FBXO21: variants seen among roughly 807,000 people sequenced by gnomAD.
FBXO21 encodes the protein F-box only protein 21.
FBXO21 carries 32 observed loss-of-function variants against 76.6 expected under a neutral mutation model. The observed-to-expected ratio is 0.42, with a 90% CI of 0.32 to 0.56. The LOEUF (loss-of-function observed/expected upper bound fraction) is 0.56. Among genes scored for constraint, FBXO21 ranks in the 20% least tolerant of loss-of-function variants. The pLI, the probability that FBXO21 is intolerant of heterozygous loss-of-function variation, is 0.16. For missense variants in FBXO21, 586 were observed against 797.3 expected, an observed-to-expected ratio of 0.73 and a Z score of 3.19; for synonymous variants, 328 against 311.5, an observed-to-expected ratio of 1.05 and a Z score of -0.56.
In FBXO21 at chr12:117,174,091, C is replaced by G. The variant is rs542198346; in HGVS notation, c.876+114G>C. ...GTTTGAGGTTGCGGTAAGCTATGAT[C>G]GCGCCACTGCATTCCAGCCTGAGCA... is the stretch of plus-strand genomic sequence containing the variant. On this transcript the variant is annotated intron_variant, in intron 6 of 11. Transcript: ENST00000622495. The G allele has an allele frequency of 7.0e-6, 6 of 854,016 alleles. No individual in the cohort carries two copies. In the Admixed American group the frequency reaches 1.3e-4, roughly 18 times the overall value. The allele number at this position is 854,016 out of a possible 1,614,324, so 52.9% of individuals were successfully genotyped here. A position where few individuals can be genotyped will look rare whatever the true frequency, so the allele number is the denominator to read the frequency against.
intron 11 of FBXO21, among the ~76,000 whole-genome samples, chr12:117,151,348 TGA>T (rs1384892807): frequency 6.6e-6 from 1 of 152,052 alleles, no homozygotes; most frequent in African/African-American, 2.4e-5. Context: ...AGGGTTTAGG[TGA>T]GAGAGTACAC....
At chr12:117,163,584 T>C (rs1956010937) in intron 9 of FBXO21, among the ~76,000 whole-genome samples, 1 of 151,906 alleles carries the variant, frequency 6.6e-6, no homozygotes, top group Non-Finnish European at 1.5e-5. Context: ...CTTGCTTTGC[T>C]CTGCATCTCA....
intron 11 of FBXO21, among the ~76,000 whole-genome samples, chr12:117,152,857 T>C (rs1343252589): frequency 6.6e-6 from 1 of 152,166 alleles, no homozygotes; most frequent in Non-Finnish European, 1.5e-5. Flanking sequence ...ATGGGAATCA[T>C]TTACTGTTGA....
At chr12:117,185,672 G>T (rs1302593570) in intron 3 of FBXO21, among the ~76,000 whole-genome samples, 1 of 152,142 alleles carries the variant, frequency 6.6e-6, no homozygotes. Context: ...TAAAAGAAAG[G>T]CTCACCCAAA....
Position 117,142,324 on chromosome 12 carries a change from T to A in FBXO21, c.*3763A>T, listed in dbSNP as rs1955725461. On this transcript the variant is annotated 3_prime_UTR_variant, in exon 12 of 12. Transcript: ENST00000622495. ...CAGTATGACCTGGGTTTCCCCTTTA[T>A]ACAGTGGAATGCTAAGTGCCTACAC... The A allele has an allele frequency of 6.6e-6, 1 of 152,260 alleles. No homozygotes were observed. The highest frequency in any genetic ancestry group is 1.5e-5 in the Non-Finnish European group (1 of 68,042). 9.4% of individuals were successfully genotyped at this position (152,260 alleles called of 1,614,324 possible).
At chr12:117,162,982 C>A (rs141220584) in intron 9 of FBXO21, among the ~76,000 whole-genome samples, 1 of 152,202 alleles carries the variant, frequency 6.6e-6, no homozygotes, top group Admixed American at 6.5e-5. Flanking sequence ...TTCTTCAGCA[C>A]CCCCTGGCTT....
At chr12:117,181,224 G>GTT (rs1956227276) in intron 3 of FBXO21, among the ~76,000 whole-genome samples, 1 of 151,992 alleles carries the variant, frequency 6.6e-6, no homozygotes, top group Non-Finnish European at 1.5e-5. Flanking sequence ...CTGAATTCTT[G>GTT]TTAAGTTGTT....
At chr12:117,154,720 C>T (rs1331553021) in intron 11 of FBXO21, among the ~76,000 whole-genome samples, 2 of 152,218 alleles carry the variant, frequency 1.3e-5, no homozygotes, top group Admixed American at 1.3e-4. Context: ...CTCACCCTCT[C>T]GAAGTGCTGG....
At position 117,190,445 on chromosome 12, in the gene FBXO21, T is replaced by A; in HGVS notation, c.12A>T (p.Ala4=). MAA[A]AVDSAMEVVP... is the part of the protein sequence containing the mutation. ...CCACCTCCATCGCGCTGTCGACTGC[T>A]GCCGCCGCCATCTTGTCCGCGTACC... Residue 4 remains alanine, a synonymous_variant, in exon 1 of 12, where the codon GCA becomes GCT. Transcript: ENST00000622495. The A allele has an allele frequency of 1.5e-6, 2 of 1,372,054 alleles. No individual in the cohort carries two copies. The highest frequency in any genetic ancestry group is 1.9e-6 in the Non-Finnish European group (2 of 1,027,170). 85.0% of individuals were successfully genotyped at this position (1,372,054 alleles called of 1,614,324 possible). A position where few individuals can be genotyped will look rare whatever the true frequency, so the allele number is the denominator to read the frequency against.
chr12:117,149,825 G>A (rs1270268203), intron 11 of FBXO21, among the ~76,000 whole-genome samples: 5 of 152,144 alleles, frequency 3.3e-5, no homozygotes, highest in Admixed American at 2.0e-4. Context: ...GGAAAGAAGC[G>A]GAAACTCAGG....
intron 7 of FBXO21, among the ~76,000 whole-genome samples, chr12:117,171,261 G>A (rs1410983442): frequency 6.6e-6 from 1 of 151,478 alleles, no homozygotes; most frequent in African/African-American, 2.4e-5. Context: ...GGGAGGCTGG[G>A]GTGGGAGGAT....
At chr12:117,165,361 G>A in intron 9 of FBXO21, 124 bp downstream of exon 9, 2 of 1,013,358 alleles carry the variant, frequency 2.0e-6, no homozygotes, top group Non-Finnish European at 1.4e-6. Flanking sequence ...GGTTATGATT[G>A]GGAGACTGAA....
At chr12:117,176,693 C>A (rs61626101) in intron 4 of FBXO21, among the ~76,000 whole-genome samples, 30,278 of 152,012 alleles carry the variant, frequency 0.2, 3,424 homozygotes, top group East Asian at 0.43. Flanking sequence ...GTTACAGAAG[C>A]CAGCCAGGTG....
intron 4 of FBXO21, 56 bp from the exon 5 acceptor site, chr12:117,174,853 T>G: frequency 6.3e-7 from 1 of 1,576,156 alleles, no homozygotes; most frequent in Non-Finnish European, 8.7e-7. Context: ...TTCTTATTAG[T>G]TTGCAATTTT....
chr12:117,162,945 T>C (rs575931248), intron 9 of FBXO21, among the ~76,000 whole-genome samples: 1 of 152,318 alleles, frequency 6.6e-6, no homozygotes, highest in South Asian at 2.1e-4. Context: ...CCTGAAACCC[T>C]TCCTCTGGAG....
chr12:117,183,927 A>C (rs1443615956), intron 3 of FBXO21, among the ~76,000 whole-genome samples: 1 of 152,134 alleles, frequency 6.6e-6, no homozygotes, highest in African/African-American at 2.4e-5. Flanking sequence ...TTCTTTAAAA[A>C]TCCATTTTTT....
chr12:117,190,459 T>A lies in FBXO21; in HGVS notation c.-3A>T. 7.7e-7 allele frequency: 1 copy of A among 1,303,410 alleles called. No homozygotes were observed. The highest frequency in any genetic ancestry group is 1.0e-6 in the Non-Finnish European group (1 of 971,714). 80.7% of individuals were successfully genotyped at this position (1,303,410 alleles called of 1,614,324 possible). ...CTGTCGACTGCTGCCGCCGCCATCT[T>A]GTCCGCGTACCTGGGGCCGCCGCGC... On this transcript the variant is annotated 5_prime_UTR_variant, in exon 1 of 12. Coordinates refer to ENST00000622495, the MANE Select transcript of FBXO21 (RefSeq NM_015002.3).
rs1245833429 is a variant in FBXO21, at chr12:117,146,239, G to A, written c.1714C>T (p.His572Tyr). Residue 572 changes from histidine (H) to tyrosine (Y), a missense_variant, in exon 12 of 12, where the codon CAC becomes TAC. Physicochemically the swap from His to Tyr is moderately conservative, Grantham distance 83. Coordinates refer to ENST00000622495, the MANE Select transcript of FBXO21 (RefSeq NM_015002.3). ...EYNVEPQEIS[H>Y]PDVGRYFSEF... The stretch of plus-strand genomic sequence containing the variant: ...GAGAAATAGCGTCCCACGTCAGGGT[G>A]TGAGATTTCTTGAGGCTCCACGTTA... The A allele has an allele frequency of 6.2e-7, 1 of 1,611,394 alleles. No homozygotes were observed. The highest frequency in any genetic ancestry group is 8.5e-7 in the Non-Finnish European group (1 of 1,179,264).
At chr12:117,147,576 CAGCAGAGCAAGACTCCATCTCAAA>C (rs1955789528) in intron 11 of FBXO21, among the ~76,000 whole-genome samples, 1 of 123,620 alleles carries the variant, frequency 8.1e-6, no homozygotes, top group Non-Finnish European at 1.6e-5. Context: ...CCAGCCTGGG[CAGCAGAGCAAGACTCCATCTCAAA>C]AAAAAAAAAA....
Sources: gnomAD v4.1 joint callset for allele counts (sites outside exome capture counted in the v4.1 genomes callset) on GRCh38, gnomAD v4.1.1 for gene constraint, MANE v1.5 for transcripts, NCBI Gene and HGNC (gene_info 2026-07-23, HGNC 2026-07-21) for gene names.